The following ABCD3 variants were observed in gnomAD, a reference collection of about 807,000 sequenced individuals.
The protein encoded by ABCD3 is ATP binding cassette subfamily D member 3, also known as ATP-binding cassette sub-family D member 3.
In ABCD3, 41 loss-of-function variants were observed where a neutral mutation model predicts 105.5. The ratio of observed to expected loss-of-function variants is 0.39; its 90% CI spans 0.30 to 0.50. The LOEUF is 0.50. Among genes scored for constraint, ABCD3 ranks in the 20% least tolerant of loss-of-function variants. The pLI, the probability that ABCD3 is intolerant of heterozygous loss-of-function variation, is 0.84. For missense variants in ABCD3, 622 were observed against 806.3 expected (o/e 0.77, Z 2.77); for synonymous variants, 258 against 269.0 (o/e 0.96, Z 0.40).
chr1:94,517,435 T>G lies in ABCD3; in HGVS notation c.*306T>G, dbSNP rs1424605324. ...CACTGTAACCTGATTCATCCTGGGA[T>G]GTAAACCATTCGAAGTCAGCTAATT... On this transcript the variant is annotated 3_prime_UTR_variant, in exon 23 of 23. Coordinates refer to ENST00000370214, the MANE Select transcript of ABCD3 (RefSeq NM_002858.4). 6.3e-6 allele frequency: 2 copies of G among 317,544 alleles called. No individual in the cohort carries two copies. The highest frequency in any genetic ancestry group is 1.2e-5 in the Non-Finnish European group (2 of 166,200). The allele number at this position is 317,544 out of a possible 1,614,324, so 19.7% of individuals were successfully genotyped here.
Position 94,478,477 on chromosome 1 carries a change from G to T in ABCD3, c.684+162G>T. 2.3e-6 allele frequency: 3 copies of T among 1,325,500 alleles called. No individual in the cohort carries two copies. The South Asian group carries it at 3.8e-5, about 17-fold the overall frequency. The allele number at this position is 1,325,500 out of a possible 1,614,324, so 82.1% of individuals were successfully genotyped here. A position where few individuals can be genotyped will look rare whatever the true frequency, so the allele number is the denominator to read the frequency against. On this transcript the variant is annotated intron_variant, in intron 8 of 22. Coordinates refer to ENST00000370214, the MANE Select transcript of ABCD3 (RefSeq NM_002858.4). The stretch of plus-strand genomic sequence containing the variant: ...CTGGTTATAAAATAATACTTCATTC[G>T]AGATTTTAGAAGTACTAATTTTTCT...
At chr1:94,468,183 T>C (rs1648252682) in intron 4 of ABCD3, among the ~76,000 whole-genome samples, 176 bp downstream of exon 4, 1 of 152,198 alleles carries the variant, frequency 6.6e-6, no homozygotes, top group Non-Finnish European at 1.5e-5. Context: ...TGCCAGGCAA[T>C]GTGCTATACT....
At chr1:94,448,908 C>A (rs1660462103) in intron 1 of ABCD3, among the ~76,000 whole-genome samples, 1 of 152,220 alleles carries the variant, frequency 6.6e-6, no homozygotes, top group African/African-American at 2.4e-5. Context: ...CTACGGGACA[C>A]CCCATATGCA....
At chr1:94,501,338 C>A (rs1650091632) in intron 20 of ABCD3, among the ~76,000 whole-genome samples, 1 of 151,426 alleles carries the variant, frequency 6.6e-6, no homozygotes, top group Non-Finnish European at 1.5e-5. Context: ...ACCTGTGACA[C>A]CACTGCATAT....
the ABCD3 span, among the ~76,000 whole-genome samples, chr1:94,392,970 G>A: frequency 6.6e-6 from 1 of 152,094 alleles, no homozygotes; most frequent in African/African-American, 2.4e-5. Flanking sequence ...AAATTAGCTG[G>A]TTGTGGTGGC....
the ABCD3 span, among the ~76,000 whole-genome samples, chr1:94,396,243 T>C: frequency 6.6e-6 from 1 of 152,160 alleles, no homozygotes; most frequent in South Asian, 2.1e-4. Context: ...TTTCCCCAGT[T>C]AGTAAAGGGG....
chr1:94,480,507 T>A lies in ABCD3; in HGVS notation c.728T>A (p.Phe243Tyr). 1 of 1,613,904 alleles carries A rather than the reference T, an allele frequency of 6.2e-7. No individual in the cohort carries two copies. The highest frequency in any genetic ancestry group is 1.7e-5 in the Admixed American group (1 of 59,986). ...MMAYLVVSGL[F>Y]LTRLRRPIGK... Reference sequence around the variant, plus strand: ...GCCTACTTGGTTGTTTCTGGGCTATTCCTAACTCGACTTCGAAGACCCATT... The same window carrying A: ...GCCTACTTGGTTGTTTCTGGGCTATACCTAACTCGACTTCGAAGACCCATT... Residue 243 changes from phenylalanine to tyrosine, a missense_variant, in exon 9 of 23, where the codon TTC becomes TAC. Physicochemically the swap from Phe to Tyr is conservative, Grantham distance 22 (BLOSUM62 3). Coordinates refer to ENST00000370214, the MANE Select transcript of ABCD3 (RefSeq NM_002858.4).
Position 94,418,821 on chromosome 1 carries a change from C to T in ABCD3, c.110+233C>T, listed in dbSNP as rs966603231. 4.4e-5 allele frequency: 25 copies of T among 562,664 alleles called. No homozygotes were observed. The Admixed American group carries it at 4.8e-4, about 11-fold the overall frequency. 34.9% of individuals were successfully genotyped at this position (562,664 alleles called of 1,614,324 possible). A position where few individuals can be genotyped will look rare whatever the true frequency, so the allele number is the denominator to read the frequency against. On this transcript the variant is annotated intron_variant, in intron 1 of 22. Transcript: ENST00000370214. ...TCGCTCCACCCCGGGAGTGCGAATT[C>T]TTCTGTGCCCGCGGGCGAACCGGCG...
intron 16 of ABCD3, among the ~76,000 whole-genome samples, chr1:94,493,081 C>T (rs531686575): frequency 1.3e-5 from 2 of 151,634 alleles, no homozygotes. Context: ...GCAACAAAAG[C>T]CAAAATTGAC....
intron 2 of ABCD3, among the ~76,000 whole-genome samples, chr1:94,461,015 G>C (rs574008608): frequency 6.6e-6 from 1 of 151,920 alleles, no homozygotes; most frequent in African/African-American, 2.4e-5. Flanking sequence ...CTTATTTGCT[G>C]GTTGCATAGT....
upstream of ABCD3, among the ~76,000 whole-genome samples, chr1:94,416,251 T>C (rs1270924599): frequency 1.3e-5 from 2 of 152,240 alleles, no homozygotes; most frequent in Admixed American, 1.3e-4. Flanking sequence ...TTTGTCCTCC[T>C]GAGTGACTCC....
chr1:94,433,525 C>A (rs968371192), intron 1 of ABCD3, among the ~76,000 whole-genome samples: 3 of 152,088 alleles, frequency 2.0e-5, no homozygotes, highest in Non-Finnish European at 4.4e-5. Context: ...TATATACACA[C>A]CCAAGCTGTA....
intron 1 of ABCD3, among the ~76,000 whole-genome samples, chr1:94,446,463 G>T (rs1272752783): frequency 1.3e-5 from 2 of 152,226 alleles, no homozygotes; most frequent in Non-Finnish European, 2.9e-5. Flanking sequence ...TTACAATGGA[G>T]AAATTCAAAT....
intron 1 of ABCD3, chr1:94,418,877 T>A (rs965619329): frequency 8.0e-6 from 4 of 501,422 alleles, no homozygotes; most frequent in South Asian, 2.3e-5. Context: ...CGGCCTCCAG[T>A]TGGGGGTGGG....
At chr1:94,428,967 G>A (rs1659573879) in intron 1 of ABCD3, among the ~76,000 whole-genome samples, 1 of 152,182 alleles carries the variant, frequency 6.6e-6, no homozygotes, top group South Asian at 2.1e-4. Flanking sequence ...GGGAAATTTG[G>A]AACTCCCTAG....
chr1:94,505,371 A>T (rs1570833400), intron 20 of ABCD3, among the ~76,000 whole-genome samples: 1 of 118,888 alleles, frequency 8.4e-6, no homozygotes, highest in Non-Finnish European at 1.7e-5. Context: ...TGCTTGGCTA[A>T]TTTTTTTTTT....
intron 1 of ABCD3, among the ~76,000 whole-genome samples, chr1:94,444,841 A>G (rs1395769825): frequency 6.6e-6 from 1 of 152,194 alleles, no homozygotes; most frequent in Non-Finnish European, 1.5e-5. Flanking sequence ...AAAACTGGCC[A>G]TAAACAAAAT....
At chr1:94,467,256 T>G (rs377268828) in intron 3 of ABCD3, among the ~76,000 whole-genome samples, 1 of 152,170 alleles carries the variant, frequency 6.6e-6, no homozygotes, top group East Asian at 1.9e-4. Context: ...TCATTCTCTT[T>G]TTTGTTTTAC....
chr1:94,451,165 A>C (rs932851929), intron 1 of ABCD3, among the ~76,000 whole-genome samples: 4 of 152,112 alleles, frequency 2.6e-5, no homozygotes, highest in Non-Finnish European at 5.9e-5. Context: ...AGGTATCTTA[A>C]AAATTTTTGT....
Sources: gnomAD v4.1 joint callset for allele counts (sites outside exome capture counted in the v4.1 genomes callset) on GRCh38, gnomAD v4.1.1 for gene constraint, MANE v1.5 for transcripts, NCBI Gene and HGNC (gene_info 2026-07-23, HGNC 2026-07-21) for gene names.